The following KIAA1958 variants were observed in gnomAD, a reference collection of about 807,000 sequenced individuals.
KIAA1958 encodes uncharacterized protein KIAA1958.
In KIAA1958, 14 loss-of-function variants were observed where a neutral mutation model predicts 47.2. The ratio of observed to expected loss-of-function variants is 0.30; its 90% CI spans 0.20 to 0.46. KIAA1958 has a LOEUF of 0.46. Among genes scored for constraint, KIAA1958 ranks in the 20% least tolerant of loss-of-function variants. The probability of loss-of-function intolerance (pLI) is 1.00; values close to 1 mark genes in which losing one functional copy is unlikely to be tolerated. For synonymous variants in KIAA1958, 354 were observed against 353.3 expected (o/e 1.00, Z -0.02); for missense variants, 803 against 909.2 (o/e 0.88, Z 1.50).
chr9:112,569,623 CTTTT>C (rs111366992), intron 1 of KIAA1958, among the ~76,000 whole-genome samples: 1 of 136,890 alleles, frequency 7.3e-6, no homozygotes. Context: ...TTTTAGAATT[CTTTT>C]TTTTTTTTTT....
Position 112,506,290 on chromosome 9 carries a change from A to G in KIAA1958, c.-25+19172A>G, listed in dbSNP as rs563458420. On this transcript the variant is annotated intron_variant, in intron 1 of 3. Coordinates refer to ENST00000337530, the MANE Select transcript of KIAA1958 (RefSeq NM_133465.4). ...GCTAACACGGTGAAACCCCGTCTCT[A>G]CTAAAAATACAAAAAATTAGCTGGG... 2.6e-5 allele frequency among the ~76,000 whole-genome samples: 4 copies of G among 152,246 alleles called. No individual in the cohort carries two copies. In the East Asian group the frequency reaches 5.8e-4, roughly 22 times the overall value.
In KIAA1958 at chr9:112,645,695, A is replaced by C; in HGVS notation, c.1217A>C (p.Asp406Ala). ...LNKFPVFNIN[D>A]DLNDLCTSAV... is the part of the protein sequence containing the mutation. Reference sequence around the variant, plus strand: ...AAATTTCCTGTATTTAATATTAATGATGACTTGAATGATCTGTGTACCAGT... The same window carrying C: ...AAATTTCCTGTATTTAATATTAATGCTGACTTGAATGATCTGTGTACCAGT... The change falls in exon 3 of 4, where the codon GAT (aspartate) becomes GCT (alanine). Residue 406 changes from aspartate (D) to alanine (A), a missense_variant. By Grantham distance (126) the Asp-to-Ala change is moderately radical. Around this residue, in one of 2 missense-constraint regions of KIAA1958, gnomAD observed 761 missense variants for 829.3 expected, o/e 0.92. Transcript: ENST00000337530. 2 of 1,612,306 alleles carry C rather than the reference A, an allele frequency of 1.2e-6. No homozygotes were observed. The highest frequency in any genetic ancestry group is 1.7e-6 in the Non-Finnish European group (2 of 1,179,074).
chr9:112,544,754 A>G (rs1359657464), intron 1 of KIAA1958, among the ~76,000 whole-genome samples: 3 of 152,192 alleles, frequency 2.0e-5, no homozygotes, highest in Non-Finnish European at 4.4e-5. Flanking sequence ...GGAGACTGCT[A>G]TATAGGAAAG....
At chr9:112,636,227 T>C (rs1044202850) in intron 2 of KIAA1958, among the ~76,000 whole-genome samples, 1 of 151,382 alleles carries the variant, frequency 6.6e-6, no homozygotes, top group East Asian at 1.9e-4. Flanking sequence ...TTGATTTCCA[T>C]TTTATTCTAC....
chr9:112,556,544 A>T (rs1469026370), intron 1 of KIAA1958, among the ~76,000 whole-genome samples: 1 of 152,184 alleles, frequency 6.6e-6, no homozygotes, highest in African/African-American at 2.4e-5. Context: ...TGTGTTGCCC[A>T]GGCTGTTCTC....
At chr9:112,563,434 G>A (rs1835372844) in intron 1 of KIAA1958, among the ~76,000 whole-genome samples, 1 of 152,136 alleles carries the variant, frequency 6.6e-6, no homozygotes, top group Admixed American at 6.5e-5. Context: ...TAGTATAGAA[G>A]TCTTGGGCAT....
intron 2 of KIAA1958, among the ~76,000 whole-genome samples, chr9:112,620,089 C>G (rs988479889): frequency 6.6e-6 from 1 of 152,176 alleles, no homozygotes; most frequent in Admixed American, 6.5e-5. Flanking sequence ...ATGCGTTTAT[C>G]TGTGATATCC....
intron 2 of KIAA1958, among the ~76,000 whole-genome samples, chr9:112,604,497 C>T (rs748950984): frequency 9.2e-5 from 14 of 152,152 alleles, no homozygotes; most frequent in Non-Finnish European, 1.5e-4. Flanking sequence ...GCAAGAAATA[C>T]AACCTTTCAT....
chr9:112,632,037 A>G (rs1265148488), intron 2 of KIAA1958, among the ~76,000 whole-genome samples: 8 of 152,090 alleles, frequency 5.3e-5, no homozygotes, highest in African/African-American at 1.9e-4. Flanking sequence ...AGAACATTTT[A>G]TTTATTTTTC....
At chr9:112,491,594 A>G (rs1044877966) in intron 1 of KIAA1958, among the ~76,000 whole-genome samples, 6 of 151,900 alleles carry the variant, frequency 3.9e-5, no homozygotes, top group Non-Finnish European at 7.4e-5. Context: ...GAAACCTGCA[A>G]AGAACCAAAA....
chr9:112,502,900 T>C lies in KIAA1958; in HGVS notation c.-25+15782T>C, dbSNP rs527893652. Among the ~76,000 whole-genome samples the C allele has an allele frequency of 3.3e-5, 5 of 152,374 alleles. No individual in the cohort carries two copies. In the South Asian group the frequency reaches 1.0e-3, roughly 32 times the overall value. On this transcript the variant is annotated intron_variant, in intron 1 of 3. Transcript: ENST00000337530. ...GTCCATCAGTAGGGGAATTATTGGC[T>C]AAATCCTTGATAAAACTGGATCTAG...
In KIAA1958 at chr9:112,665,649, C is replaced by A. The variant is rs1411550685; in HGVS notation, c.*5580C>A. On this transcript the variant is annotated 3_prime_UTR_variant, in exon 4 of 4. Coordinates refer to ENST00000337530, the MANE Select transcript of KIAA1958 (RefSeq NM_133465.4). ...ATACTGTGTCACCCCTCCATGTATT[C>A]TCTTACTAAATGATTGCTCACTTGG... 2 of 152,204 alleles carry A rather than the reference C, an allele frequency of 1.3e-5. 1 individual carries two copies. Among genetic ancestry groups the A allele is most frequent in the South Asian group, 4.1e-4 (2 of 4,828 alleles). 9.4% of individuals were successfully genotyped at this position (152,204 alleles called of 1,614,324 possible). A position where few individuals can be genotyped will look rare whatever the true frequency, so the allele number is the denominator to read the frequency against.
In KIAA1958 at chr9:112,559,997, TA is replaced by T. The variant is rs1835299315; in HGVS notation, c.-24-14054del. On this transcript the variant is annotated intron_variant, in intron 1 of 3. Transcript: ENST00000337530. Reference sequence around the variant, plus strand: ...CCTACTTAGTATAAATTATATAAATTAAAAAACATGAATGATTGGGAAAGTT... The same window carrying T: ...CCTACTTAGTATAAATTATATAAATTAAAAACATGAATGATTGGGAAAGTT... Among the ~76,000 whole-genome samples, 3 of 152,098 alleles carry T rather than the reference TA, an allele frequency of 2.0e-5. No individual in the cohort carries two copies. In the East Asian group the frequency reaches 5.8e-4, roughly 29 times the overall value.
In KIAA1958 at chr9:112,665,438, C is replaced by A. The variant is rs750884672; in HGVS notation, c.*5369C>A. ...ATCTAGGCTCAGAGGAGTTAAAATT[C>A]TGAAAATCTCACCGATAAGTTGGAG... On this transcript the variant is annotated 3_prime_UTR_variant, in exon 4 of 4. Transcript: ENST00000337530. The A allele has an allele frequency of 6.6e-6, 1 of 152,128 alleles. No individual in the cohort carries two copies. The highest frequency in any genetic ancestry group is 1.5e-5 in the Non-Finnish European group (1 of 68,030). The allele number at this position is 152,128 out of a possible 1,614,324, so 9.4% of individuals were successfully genotyped here.
At chr9:112,599,927 A>G (rs943216159) in intron 2 of KIAA1958, among the ~76,000 whole-genome samples, 1 of 152,228 alleles carries the variant, frequency 6.6e-6, no homozygotes, top group Admixed American at 6.5e-5. Context: ...AATAAGCAAT[A>G]TATCAATGAG....
At chr9:112,634,916 ATTGTTTT>A (rs1836777338) in intron 2 of KIAA1958, among the ~76,000 whole-genome samples, 1 of 151,106 alleles carries the variant, frequency 6.6e-6, no homozygotes, top group Non-Finnish European at 1.5e-5. Flanking sequence ...TCCTTCCTTT[ATTGTTTT>A]ATCAGTCACA....
intron 1 of KIAA1958, among the ~76,000 whole-genome samples, chr9:112,555,426 C>T (rs1048319811): frequency 1.3e-5 from 2 of 152,204 alleles, no homozygotes; most frequent in African/African-American, 4.8e-5. Flanking sequence ...CACCCTCCTG[C>T]CTTGATAAAT....
intron 2 of KIAA1958, among the ~76,000 whole-genome samples, chr9:112,643,681 A>C (rs560959411): frequency 9.4e-4 from 143 of 152,316 alleles, no homozygotes; most frequent in South Asian, 6.0e-3. Context: ...CAAGATTGAA[A>C]GCACAAAGAC....
At position 112,575,236 on chromosome 9, in the gene KIAA1958, G is replaced by A. The variant is rs528209413; in HGVS notation, c.1156G>A (p.Ala386Thr). ...TCCAGCCATAACCACTGAGGCCACA[G>A]CACAGTGCATACCAGGTATGGCACA... ...VAPAITTEAT[A>T]QCIPAYSTKL... is the part of the protein sequence containing the mutation. The change falls in exon 2 of 4, where the codon GCA (alanine) becomes ACA (threonine). Residue 386 changes from alanine to threonine, a missense_variant. Ala to Thr is a moderately conservative substitution (Grantham distance 58). Transcript: ENST00000337530. 26 of 1,555,794 alleles carry A rather than the reference G, an allele frequency of 1.7e-5. No homozygotes were observed. In the East Asian group the frequency reaches 5.4e-4, roughly 32 times the overall value.
Sources: allele counts gnomAD v4.1 joint callset (sites outside exome capture counted in the v4.1 genomes callset), GRCh38; gene constraint gnomAD v4.1.1; regional missense constraint gnomAD v4.1.1; transcripts MANE v1.5; gene names NCBI Gene and HGNC (gene_info 2026-07-23, HGNC 2026-07-21).